Variants in LHFPL3 observed in about 807,000 individuals in gnomAD.
LHFPL3 encodes the protein LHFPL tetraspan subfamily member 3 protein.
LHFPL3 carries 5 observed loss-of-function variants against 19.3 expected under a neutral mutation model. The ratio of observed to expected loss-of-function variants is 0.26; its 90% CI spans 0.14 to 0.54. LHFPL3 has a LOEUF of 0.54. Among genes scored for constraint, LHFPL3 ranks in the 20% least tolerant of loss-of-function variants. The pLI is 0.94. For missense variants in LHFPL3, 249 were observed against 307.4 expected (o/e 0.81, Z 1.42); for synonymous variants, 133 against 126.2 (o/e 1.05, Z -0.36).
chr7:104,678,741 T>G (rs1019567216), intron 1 of LHFPL3, among the ~76,000 whole-genome samples: 1 of 152,188 alleles, frequency 6.6e-6, no homozygotes, highest in Non-Finnish European at 1.5e-5. Context: ...TTAGCCATAA[T>G]AAAAAATTTC....
intron 1 of LHFPL3, among the ~76,000 whole-genome samples, chr7:104,677,436 CAT>C (rs2079147603): frequency 6.6e-6 from 1 of 151,832 alleles, no homozygotes; most frequent in Non-Finnish European, 1.5e-5. Flanking sequence ...TTTCTGTTTG[CAT>C]ATGCCTAGAA....
intron 2 of LHFPL3, among the ~76,000 whole-genome samples, chr7:104,756,471 T>C (rs868470914): frequency 2.3e-4 from 35 of 152,274 alleles, no homozygotes; most frequent in African/African-American, 8.4e-4. Context: ...TGTGTATCTA[T>C]ATTACATTTT....
intron 1 of LHFPL3, among the ~76,000 whole-genome samples, chr7:104,544,055 G>A (rs1464690119): frequency 2.0e-5 from 3 of 148,058 alleles, no homozygotes; most frequent in Admixed American, 6.7e-5. Flanking sequence ...AAAAAAAAAA[G>A]CTGGTATTAG....
intron 1 of LHFPL3, among the ~76,000 whole-genome samples, chr7:104,411,415 CAA>C (rs1353820186): frequency 6.6e-6 from 1 of 152,042 alleles, no homozygotes; most frequent in Non-Finnish European, 1.5e-5. Context: ...AACTTCTTGA[CAA>C]AAGATGGTAG....
At chr7:104,462,172 A>T (rs939857171) in intron 1 of LHFPL3, among the ~76,000 whole-genome samples, 2 of 152,198 alleles carry the variant, frequency 1.3e-5, no homozygotes, top group East Asian at 3.9e-4. Context: ...TACATATAGA[A>T]TCATGTCATC....
chr7:104,704,662 G>T (rs916260395), intron 1 of LHFPL3, among the ~76,000 whole-genome samples: 4 of 147,834 alleles, frequency 2.7e-5, no homozygotes, highest in African/African-American at 5.0e-5. Context: ...TTTTGACAGG[G>T]TCTCACTCTA....
At chr7:104,725,790 G>A (rs934819326) in intron 1 of LHFPL3, among the ~76,000 whole-genome samples, 1 of 152,064 alleles carries the variant, frequency 6.6e-6, no homozygotes, top group African/African-American at 2.4e-5. Context: ...GGTGGCTTAC[G>A]CCTGTAATCC....
At chr7:104,438,452 C>A (rs1792154513) in intron 1 of LHFPL3, among the ~76,000 whole-genome samples, 1 of 152,250 alleles carries the variant, frequency 6.6e-6, no homozygotes, top group South Asian at 2.1e-4. Flanking sequence ...CATATCATTC[C>A]TTTAGAGACT....
At chr7:104,451,324 G>A (rs992973575) in intron 1 of LHFPL3, among the ~76,000 whole-genome samples, 3 of 152,140 alleles carry the variant, frequency 2.0e-5, no homozygotes, top group African/African-American at 4.8e-5. Flanking sequence ...CCATGTTCGA[G>A]GTTAAGATAG....
chr7:104,520,356 T>G (rs971647072), intron 1 of LHFPL3, among the ~76,000 whole-genome samples: 2 of 146,364 alleles, frequency 1.4e-5, no homozygotes, highest in African/African-American at 5.2e-5. Flanking sequence ...TGCCAGTATT[T>G]TATTGAGGAT....
chr7:104,803,351 C>G (rs537457810), intron 2 of LHFPL3: 2 of 152,296 alleles, frequency 1.3e-5, no homozygotes, highest in South Asian at 4.1e-4. Context: ...GTCTGTGGAC[C>G]ATGCTCCTCA....
chr7:104,368,652 CGT>C (rs67849394), intron 1 of LHFPL3, among the ~76,000 whole-genome samples: 29,994 of 150,060 alleles, frequency 0.2, 3,305 homozygotes, highest in Admixed American at 0.36. Flanking sequence ...CACACATGTA[CGT>C]GTGTGTGTGT....
chr7:104,526,306 C>G (rs185820656), intron 1 of LHFPL3, among the ~76,000 whole-genome samples: 65 of 152,278 alleles, frequency 4.3e-4, no homozygotes, highest in Non-Finnish European at 1.5e-4. Context: ...AAAATATAAC[C>G]ACACAAGAGC....
chr7:104,576,293 A>C (rs751817451), intron 1 of LHFPL3, among the ~76,000 whole-genome samples: 36 of 152,244 alleles, frequency 2.4e-4, no homozygotes, highest in Non-Finnish European at 7.3e-5. Flanking sequence ...TTGAAGTTCA[A>C]CAGAGAGGTT....
At chr7:104,714,964 T>C (rs899627974) in intron 1 of LHFPL3, among the ~76,000 whole-genome samples, 1 of 152,106 alleles carries the variant, frequency 6.6e-6, no homozygotes, top group Admixed American at 6.6e-5. Flanking sequence ...GGTACATACT[T>C]ATATACCTGT....
At chr7:104,417,449 A>ATTTGATTTGCC (rs1791643893) in intron 1 of LHFPL3, among the ~76,000 whole-genome samples, 1 of 152,118 alleles carries the variant, frequency 6.6e-6, no homozygotes, top group Non-Finnish European at 1.5e-5. Context: ...CTTAAGGTTG[A>ATTTGATTTGCC]TTTGATTTGC....
At chr7:104,754,970 A>AG in intron 2 of LHFPL3, among the ~76,000 whole-genome samples, 1 of 152,302 alleles carries the variant, frequency 6.6e-6, no homozygotes. Context: ...GGAGTAGAGA[A>AG]GGGGAGGATC....
chr7:104,820,352 C>G (rs1414611772), intron 2 of LHFPL3, among the ~76,000 whole-genome samples: 1 of 152,152 alleles, frequency 6.6e-6, no homozygotes, highest in African/African-American at 2.4e-5. Flanking sequence ...AAATGCTTCT[C>G]TGGGTTCTGA....
At chr7:104,478,248 G>A (rs889125490) in intron 1 of LHFPL3, among the ~76,000 whole-genome samples, 4 of 152,092 alleles carry the variant, frequency 2.6e-5, no homozygotes, top group African/African-American at 7.2e-5. Flanking sequence ...CTGATAGGTT[G>A]AGAAATTATT....
Sources: allele counts gnomAD v4.1 joint callset (sites outside exome capture counted in the v4.1 genomes callset), GRCh38; gene constraint gnomAD v4.1.1; transcripts MANE v1.5; gene names NCBI Gene and HGNC (gene_info 2026-07-23, HGNC 2026-07-21).